DOCK10: variants seen among roughly 807,000 people sequenced by gnomAD.
DOCK10 encodes the protein dedicator of cytokinesis protein 10.
A neutral mutation model predicts 280.1 loss-of-function variants in DOCK10; 145 were observed. The ratio of observed to expected loss-of-function variants is 0.52; its 90% CI spans 0.45 to 0.59. The LOEUF (loss-of-function observed/expected upper bound fraction) is 0.59, where lower values mean the gene tolerates loss of function less well. DOCK10 is among the 20% of genes least tolerant of loss of function. The probability of loss-of-function intolerance (pLI) is 0.00; values close to 1 mark genes in which losing one functional copy is unlikely to be tolerated. For synonymous variants in DOCK10, 915 were observed against 942.2 expected, an observed-to-expected ratio of 0.97 and a Z score of 0.53; for missense variants, 2,368 against 2,651.7, an observed-to-expected ratio of 0.89 and a Z score of 2.35.
Position 224,787,061 on chromosome 2 carries a change from C to G in DOCK10, c.5616G>C (p.Arg1872=), listed in dbSNP as rs971064144. 2.5e-6 allele frequency: 4 copies of G among 1,613,894 alleles called. No individual in the cohort carries two copies. Among genetic ancestry groups the G allele is most frequent in the Non-Finnish European group, 3.4e-6 (4 of 1,179,884 alleles). The change falls in exon 50 of 56, where the codon CGG becomes CGC. Residue 1872 remains arginine, a synonymous_variant. Coordinates refer to ENST00000258390, the MANE Select transcript of DOCK10 (RefSeq NM_014689.3). ...KVAEVVNSEK[R]LFGRYYRVAF... Reference sequence around the variant, plus strand: ...CCACACGATAGTAGCGACCAAACAGCCGCTTCTCCGAATTCACCACCTCTG... The same window carrying G: ...CCACACGATAGTAGCGACCAAACAGGCGCTTCTCCGAATTCACCACCTCTG...
At chr2:224,926,818 C>T (rs1210904814) in intron 2 of DOCK10, among the ~76,000 whole-genome samples, 1 of 152,192 alleles carries the variant, frequency 6.6e-6, no homozygotes, top group Non-Finnish European at 1.5e-5. Context: ...AAATAGCAAT[C>T]TAGATGTTTC....
At chr2:224,930,553 G>A (rs1023901880) in intron 2 of DOCK10, among the ~76,000 whole-genome samples, 5 of 146,396 alleles carry the variant, frequency 3.4e-5, no homozygotes, top group African/African-American at 1.2e-4. Context: ...TCTTTTTCAT[G>A]AATCCATGGA....
At chr2:225,024,879 ACT>A (rs762934537) in intron 1 of DOCK10, among the ~76,000 whole-genome samples, 30 of 151,690 alleles carry the variant, frequency 2.0e-4, no homozygotes, top group Non-Finnish European at 3.1e-4. Context: ...AACCAATGAA[ACT>A]CTGTTTCAAA....
In DOCK10 at chr2:224,770,738, G is replaced by T; in HGVS notation, c.6205-93C>A. 1 of 881,582 alleles carries T rather than the reference G, an allele frequency of 1.1e-6. No individual in the cohort carries two copies. The allele number at this position is 881,582 out of a possible 1,614,324, so 54.6% of individuals were successfully genotyped here. A position where few individuals can be genotyped will look rare whatever the true frequency, so the allele number is the denominator to read the frequency against. ...GGAGCAACTGTGCACCAATGGTGTG[G>T]TACCCCCATCTCACACCCTGCCTTC... On this transcript the variant is annotated intron_variant, in intron 53 of 55. Transcript: ENST00000258390. This position sits in a 1 kb window ranked among gnomAD's most constrained non-coding sequence, Gnocchi z 4.5.
intron 50 of DOCK10, among the ~76,000 whole-genome samples, chr2:224,783,223 C>T (rs1242798746): frequency 1.4e-4 from 22 of 151,794 alleles, no homozygotes. Flanking sequence ...TAGGCAGGTT[C>T]TCAGTCAGAG....
chr2:224,884,021 A>G (rs1699127444), intron 7 of DOCK10, among the ~76,000 whole-genome samples: 1 of 152,180 alleles, frequency 6.6e-6, no homozygotes, highest in Non-Finnish European at 1.5e-5. Flanking sequence ...GTTTTACTTC[A>G]TGTTTCTAAG....
At chr2:224,807,884 G>A in intron 32 of DOCK10, 27 bp downstream of exon 32, 1 of 1,602,086 alleles carries the variant, frequency 6.2e-7, no homozygotes, top group Non-Finnish European at 8.5e-7. Flanking sequence ...ATGGTGTTTA[G>A]GGAAGGGAGA....
intron 33 of DOCK10, among the ~76,000 whole-genome samples, chr2:224,806,499 A>G (rs1054184979): frequency 1.4e-4 from 21 of 152,148 alleles, no homozygotes; most frequent in African/African-American, 4.8e-4. Context: ...ACATGGCTGG[A>G]TTGGTTATTG....
intron 1 of DOCK10, among the ~76,000 whole-genome samples, chr2:224,951,941 C>T (rs1703755293): frequency 6.6e-6 from 1 of 152,176 alleles, no homozygotes; most frequent in African/African-American, 2.4e-5. Context: ...CTTTCTAAAC[C>T]AGAAATAGCC....
chr2:224,882,333 G>A (rs1434302032), intron 7 of DOCK10, among the ~76,000 whole-genome samples: 2 of 152,152 alleles, frequency 1.3e-5, no homozygotes, highest in Non-Finnish European at 2.9e-5. Flanking sequence ...TCCAGATTGG[G>A]AGCATAGGCC....
chr2:224,930,198 G>A (rs1234990695), intron 2 of DOCK10, among the ~76,000 whole-genome samples: 41 of 107,064 alleles, frequency 3.8e-4, no homozygotes, highest in African/African-American at 1.4e-3. Context: ...AGTGACACTC[G>A]GTAAAAAAAA....
At chr2:224,907,999 TC>T (rs576032723) in intron 3 of DOCK10, among the ~76,000 whole-genome samples, 513 of 152,300 alleles carry the variant, frequency 3.4e-3, no homozygotes, top group African/African-American at 0.012. Flanking sequence ...CATATCCCCT[TC>T]TAAGACAGTC....
chr2:224,943,013 T>C (rs1465833639), intron 1 of DOCK10, among the ~76,000 whole-genome samples: 4 of 152,174 alleles, frequency 2.6e-5, no homozygotes, highest in Non-Finnish European at 5.9e-5. Flanking sequence ...AAATGATCTC[T>C]TTATTGACTT....
intron 3 of DOCK10, among the ~76,000 whole-genome samples, chr2:224,900,104 C>G (rs1700208281): frequency 6.6e-6 from 1 of 151,994 alleles, no homozygotes; most frequent in South Asian, 2.1e-4. Context: ...TACTCACTGC[C>G]CTTTCTTGCT....
At chr2:224,780,521 A>G (rs1181402067) in intron 50 of DOCK10, among the ~76,000 whole-genome samples, 3 of 152,188 alleles carry the variant, frequency 2.0e-5, no homozygotes, top group Non-Finnish European at 4.4e-5. Flanking sequence ...AACTAGTACA[A>G]AGACACATTT....
chr2:224,796,976 C>T lies in DOCK10; in HGVS notation c.4815G>A (p.Arg1605=). The change falls in exon 43 of 56, where the codon CGG becomes CGA. Residue 1605 remains arginine (R), a synonymous_variant. Transcript: ENST00000258390. ...TGGCAGCACTTACTTGTAAGTGGGA[C>T]CGGACAATTGACTTCTGCTTGTTAA... The part of the protein sequence containing the change: ...FEFNKQKSIV[R]SHLQLIKAVS... 6.2e-7 allele frequency: 1 copy of T among 1,612,518 alleles called. No individual in the cohort carries two copies. The highest frequency in any genetic ancestry group is 8.5e-7 in the Non-Finnish European group (1 of 1,179,326).
At chr2:225,009,595 G>T (rs1300072229) in intron 1 of DOCK10, among the ~76,000 whole-genome samples, 1 of 136,470 alleles carries the variant, frequency 7.3e-6, no homozygotes, top group African/African-American at 2.7e-5. Flanking sequence ...AAGAAATGCA[G>T]AAATGCAGTT....
chr2:224,813,092 G>A (rs566661352), intron 31 of DOCK10, among the ~76,000 whole-genome samples: 53 of 152,210 alleles, frequency 3.5e-4, no homozygotes, highest in Middle Eastern at 3.4e-3. Context: ...TGTTCTCATC[G>A]CACAGACTTA....
chr2:224,778,712 A>T (rs905890522), intron 50 of DOCK10, among the ~76,000 whole-genome samples: 12 of 152,226 alleles, frequency 7.9e-5, no homozygotes, highest in Admixed American at 2.0e-4. Context: ...TGAAACTAAC[A>T]TAAGAAATGG....
Sources: allele counts gnomAD v4.1 joint callset (sites outside exome capture counted in the v4.1 genomes callset), GRCh38; gene constraint gnomAD v4.1.1; non-coding constraint Gnocchi (gnomAD v3.1); transcripts MANE v1.5; gene names NCBI Gene and HGNC (gene_info 2026-07-23, HGNC 2026-07-21).